Variants in EBF1 observed in about 807,000 individuals in gnomAD.
EBF1 encodes EBF transcription factor 1.
In EBF1, 10 loss-of-function variants were observed where a neutral mutation model predicts 68.4. That is an observed-to-expected ratio of 0.15 (90% CI 0.09 to 0.25). The LOEUF (loss-of-function observed/expected upper bound fraction) is 0.25. Among genes scored for constraint, EBF1 ranks in the 10% least tolerant of loss-of-function variants. The pLI is 1.00. For synonymous variants in EBF1, 298 were observed against 299.8 expected (o/e 0.99, Z 0.06); for missense variants, 509 against 794.4 (o/e 0.64, Z 4.32).
intron 5 of EBF1, chr5:159,073,730 C>T (rs1778246160): frequency 2.1e-6 from 1 of 465,556 alleles, no homozygotes; most frequent in Non-Finnish European, 3.9e-6. Context: ...ATGGGGTCTC[C>T]CCATGACTGC....
intron 8 of EBF1, among the ~76,000 whole-genome samples, chr5:158,817,264 G>T (rs1462704230): frequency 6.6e-6 from 1 of 151,418 alleles, no homozygotes; most frequent in African/African-American, 2.4e-5. Context: ...TGTCCCCTTT[G>T]CCTAGTGCTA....
intron 7 of EBF1, 58 bp downstream of exon 7, chr5:158,839,971 T>A: frequency 6.5e-7 from 1 of 1,548,662 alleles, no homozygotes; most frequent in Admixed American, 1.7e-5. Flanking sequence ...AAGACTTTTT[T>A]ATCCTCTCCT....
At chr5:158,988,499 G>C (rs1026903736) in intron 6 of EBF1, among the ~76,000 whole-genome samples, 4 of 152,250 alleles carry the variant, frequency 2.6e-5, no homozygotes, top group African/African-American at 9.6e-5. Flanking sequence ...TCACTTCTAA[G>C]CTCTCCAATA....
intron 6 of EBF1, among the ~76,000 whole-genome samples, chr5:158,930,444 G>A (rs542575778): frequency 1.3e-5 from 2 of 152,254 alleles, no homozygotes; most frequent in South Asian, 2.1e-4. Flanking sequence ...CAGGTTCTGC[G>A]CCTCTGATCA....
rs540779313 is a variant in EBF1, at chr5:158,718,479, C to A, written c.1126-4297G>T. 4.6e-5 allele frequency among the ~76,000 whole-genome samples: 7 copies of A among 152,266 alleles called. No homozygotes were observed. In the East Asian group the frequency reaches 1.4e-3, roughly 29 times the overall value. ...CAATGCCTCTCTCCATCCTCTGAAG[C>A]CTCGTACTGAAGGGGATCGTGATGG... On this transcript the variant is annotated intron_variant, in intron 11 of 15. Coordinates refer to ENST00000313708, the MANE Select transcript of EBF1 (RefSeq NM_024007.5).
intron 9 of EBF1, among the ~76,000 whole-genome samples, chr5:158,781,452 T>C (rs759553695): frequency 6.6e-5 from 10 of 152,174 alleles, no homozygotes; most frequent in Admixed American, 3.9e-4. Context: ...TCTACACTTG[T>C]AGACTTGATC....
At chr5:158,701,040 G>A (rs141760032) in intron 15 of EBF1, among the ~76,000 whole-genome samples, 37 of 152,292 alleles carry the variant, frequency 2.4e-4, no homozygotes, top group African/African-American at 8.7e-4. Flanking sequence ...AGGAGGCGCA[G>A]GGGAGTCTTT....
chr5:159,084,786 G>GAAAA, intron 4 of EBF1, 47 bp from the exon 5 acceptor site: 5 of 1,078,974 alleles, frequency 4.6e-6, no homozygotes, highest in South Asian at 1.9e-5. Flanking sequence ...AGGAGTAGCA[G>GAAAA]AAAAAAAAAA....
At chr5:158,836,685 AT>A (rs1165348879) in intron 7 of EBF1, among the ~76,000 whole-genome samples, 27 of 152,348 alleles carry the variant, frequency 1.8e-4, no homozygotes, top group African/African-American at 6.5e-4. Context: ...AAAGAAATGT[AT>A]TAATGTACAG....
chr5:158,997,361 G>A (rs529514402), intron 6 of EBF1, among the ~76,000 whole-genome samples: 50 of 152,216 alleles, frequency 3.3e-4, no homozygotes, highest in South Asian at 1.5e-3. Flanking sequence ...GCCCCATTCC[G>A]AATAAATACT....
chr5:158,712,095 A>G lies in EBF1; in HGVS notation c.1549+59T>C. Reference sequence around the variant, plus strand: ...AGCCCTGCCCACTGGGCCACATGGCATGATGCCAAGTTCTTCTAGCGAAAC... The same window carrying G: ...AGCCCTGCCCACTGGGCCACATGGCGTGATGCCAAGTTCTTCTAGCGAAAC... On this transcript the variant is annotated intron_variant, in intron 14 of 15. Coordinates refer to ENST00000313708, the MANE Select transcript of EBF1 (RefSeq NM_024007.5). 5 of 1,591,612 alleles carry G rather than the reference A, an allele frequency of 3.1e-6. No homozygotes were observed. In the South Asian group the frequency reaches 5.7e-5, roughly 18 times the overall value.
chr5:159,074,690 G>A (rs1423651038), intron 5 of EBF1, among the ~76,000 whole-genome samples: 1 of 152,202 alleles, frequency 6.6e-6, no homozygotes, highest in African/African-American at 2.4e-5. Flanking sequence ...CCTCTGAGAA[G>A]AGAATTAGTC....
At chr5:158,909,118 GAA>G (rs11297604) in intron 6 of EBF1, among the ~76,000 whole-genome samples, 32 of 143,952 alleles carry the variant, frequency 2.2e-4, no homozygotes, top group South Asian at 4.4e-4. Context: ...ATGGGCAGCA[GAA>G]AAAAAAAAAA....
intron 6 of EBF1, among the ~76,000 whole-genome samples, chr5:158,892,718 G>A (rs1241440210): frequency 6.6e-6 from 1 of 152,092 alleles, no homozygotes; most frequent in Admixed American, 6.6e-5. Flanking sequence ...TATCTTTGAT[G>A]CATAAACAAG....
chr5:158,880,623 A>T (rs1164618524), intron 6 of EBF1, among the ~76,000 whole-genome samples: 1 of 152,208 alleles, frequency 6.6e-6, no homozygotes, highest in Non-Finnish European at 1.5e-5. Context: ...AAAGTCAGGT[A>T]ATGTCCCCAG....
intron 11 of EBF1, among the ~76,000 whole-genome samples, chr5:158,730,188 A>T (rs1763808930): frequency 6.6e-6 from 1 of 152,260 alleles, no homozygotes; most frequent in Non-Finnish European, 1.5e-5. Context: ...TTTTGCCGTC[A>T]GTAAACAGTG....
In EBF1 at chr5:158,809,569, G is replaced by T. The variant is rs936539657; in HGVS notation, c.779-13094C>A. ...CCAAGTAAAGTTATTTTCCCCCTAAGACTCAGACCCACATATGAATTACAG... is the reference window on the plus strand; with the variant it reads ...CCAAGTAAAGTTATTTTCCCCCTAATACTCAGACCCACATATGAATTACAG... On this transcript the variant is annotated intron_variant, in intron 8 of 15. Transcript: ENST00000313708. 3.3e-5 allele frequency among the ~76,000 whole-genome samples: 5 copies of T among 152,190 alleles called. No individual in the cohort carries two copies. The East Asian group carries it at 7.7e-4, about 24-fold the overall frequency.
At chr5:158,989,355 G>C (rs1466981026) in intron 6 of EBF1, among the ~76,000 whole-genome samples, 2 of 152,226 alleles carry the variant, frequency 1.3e-5, no homozygotes, top group African/African-American at 4.8e-5. Flanking sequence ...GTGGGAGATT[G>C]CTGCTCCTGA....
intron 7 of EBF1, among the ~76,000 whole-genome samples, chr5:158,826,088 C>A (rs758247638): frequency 3.9e-5 from 6 of 152,124 alleles, no homozygotes; most frequent in Non-Finnish European, 5.9e-5. Flanking sequence ...AAATCTTCAA[C>A]CTTCCTAAAT....
Sources: gnomAD v4.1 joint callset for allele counts (sites outside exome capture counted in the v4.1 genomes callset) on GRCh38, gnomAD v4.1.1 for gene constraint, MANE v1.5 for transcripts, NCBI Gene and HGNC (gene_info 2026-07-23, HGNC 2026-07-21) for gene names.